The following IRAK2 variants were observed in gnomAD, a reference collection of about 807,000 sequenced individuals.
The protein encoded by IRAK2 is interleukin-1 receptor-associated kinase-like 2.
In IRAK2, 57 loss-of-function variants were observed where a neutral mutation model predicts 72.0. The observed-to-expected ratio is 0.79, with a 90% CI of 0.64 to 0.99. IRAK2 has a LOEUF of 0.99. Among genes scored for constraint, IRAK2 ranks in the 50% least tolerant of loss-of-function variants. The probability of loss-of-function intolerance (pLI) is 0.00; values close to 1 mark genes in which losing one functional copy is unlikely to be tolerated. For missense variants in IRAK2, 790 were observed against 794.4 expected (o/e 0.99, Z 0.07); for synonymous variants, 293 against 312.7 (o/e 0.94, Z 0.67).
intron 10 of IRAK2, among the ~76,000 whole-genome samples, chr3:10,233,530 A>T (rs1275125875): frequency 6.6e-6 from 1 of 152,114 alleles, no homozygotes; most frequent in Non-Finnish European, 1.5e-5. Flanking sequence ...GCTGCATTTT[A>T]TGTGGTACAA....
At chr3:10,242,008 C>A in intron 12 of IRAK2, 108 bp from the exon 13 acceptor site, 6 of 561,640 alleles carry the variant, frequency 1.1e-5, no homozygotes, top group East Asian at 3.1e-5. Context: ...AAGAAATGCT[C>A]ATTACACTCA....
Position 10,212,104 on chromosome 3 carries a change from A to T in IRAK2, c.529-1103A>T, listed in dbSNP as rs561833822. Among the ~76,000 whole-genome samples, 5 of 151,866 alleles carry T rather than the reference A, an allele frequency of 3.3e-5. No homozygotes were observed. In the East Asian group the frequency reaches 9.7e-4, roughly 29 times the overall value. ...CAAAAAAAAAAAAAAAATTACGTAC[A>T]TGTGTTTTAAAGAGAGAAGTTATTA... On this transcript the variant is annotated intron_variant, in intron 4 of 12. Transcript: ENST00000256458.
intron 11 of IRAK2, among the ~76,000 whole-genome samples, chr3:10,235,771 CCACAG>C (rs1203477254): frequency 1.3e-5 from 2 of 152,178 alleles, no homozygotes; most frequent in African/African-American, 2.4e-5. Context: ...AAGTGAAGGG[CCACAG>C]ACGAGAAGAT....
chr3:10,197,766 G>A (rs1341344708), intron 2 of IRAK2, among the ~76,000 whole-genome samples: 2 of 151,294 alleles, frequency 1.3e-5, no homozygotes, highest in Non-Finnish European at 2.9e-5. Context: ...GCAGAAGAAT[G>A]GCGTGAACCT....
chr3:10,219,611 C>A lies in IRAK2; in HGVS notation c.904-69C>A, dbSNP rs11465909. ...GGGATTACAGGTGTGAGCCACCGCA[C>A]CTGGCTGCCATCAGGACTTTAAAAA... On this transcript the variant is annotated intron_variant, in intron 7 of 12. Transcript: ENST00000256458. The A allele has an allele frequency of 9.1e-6, 11 of 1,206,232 alleles. No homozygotes were observed. In the East Asian group the frequency reaches 2.5e-4, roughly 27 times the overall value. The allele number at this position is 1,206,232 out of a possible 1,614,324, so 74.7% of individuals were successfully genotyped here. A position where few individuals can be genotyped will look rare whatever the true frequency, so the allele number is the denominator to read the frequency against.
At chr3:10,229,849 G>A (rs992183078) in intron 10 of IRAK2, among the ~76,000 whole-genome samples, 11 of 151,980 alleles carry the variant, frequency 7.2e-5, no homozygotes, top group African/African-American at 2.7e-4. Context: ...GGCTGTAATC[G>A]CGGCACTTTG....
chr3:10,169,910 A>G (rs375025109), intron 1 of IRAK2, among the ~76,000 whole-genome samples: 2 of 152,342 alleles, frequency 1.3e-5, no homozygotes, highest in East Asian at 3.9e-4. Flanking sequence ...AAGAAATTAT[A>G]AAAGTATTAA....
chr3:10,222,923 C>T lies in IRAK2; in HGVS notation c.1209+92C>T, dbSNP rs1697719590. 17 of 1,166,874 alleles carry T rather than the reference C, an allele frequency of 1.5e-5. No homozygotes were observed. In the South Asian group the frequency reaches 2.4e-4, roughly 16 times the overall value. 72.3% of individuals were successfully genotyped at this position (1,166,874 alleles called of 1,614,324 possible). A position where few individuals can be genotyped will look rare whatever the true frequency, so the allele number is the denominator to read the frequency against. On this transcript the variant is annotated intron_variant, in intron 9 of 12. Coordinates refer to ENST00000256458, the MANE Select transcript of IRAK2 (RefSeq NM_001570.4). ...AATCACAGGATACGGTAGAGGCACA[C>T]AGACAGGTTCCATCAAAGTACAACA...
intron 2 of IRAK2, among the ~76,000 whole-genome samples, chr3:10,184,952 T>TCTC (rs1559441377): frequency 2.1e-4 from 31 of 150,628 alleles, no homozygotes; most frequent in Admixed American, 5.3e-4. Context: ...TTAGCCAGGG[T>TCTC]GATCTCCTGA....
intron 2 of IRAK2, 67 bp downstream of exon 2, chr3:10,178,087 G>A (rs905103514): frequency 7.8e-7 from 1 of 1,279,910 alleles, no homozygotes; most frequent in Non-Finnish European, 1.1e-6. Flanking sequence ...ATCCGTGTGA[G>A]TTGCACTCTC....
intron 2 of IRAK2, among the ~76,000 whole-genome samples, chr3:10,199,551 C>A (rs944703469): frequency 1.3e-5 from 2 of 152,114 alleles, no homozygotes; most frequent in Non-Finnish European, 2.9e-5. Context: ...GTCTCCACTG[C>A]GTGAAAGGGA....
At chr3:10,206,421 T>G (rs1257193249) in intron 3 of IRAK2, among the ~76,000 whole-genome samples, 1 of 152,194 alleles carries the variant, frequency 6.6e-6, no homozygotes, top group Admixed American at 6.5e-5. Flanking sequence ...AGGGCAAAGA[T>G]CCCAGGAATG....
intron 7 of IRAK2, 127 bp from the exon 8 acceptor site, chr3:10,219,553 A>C (rs3895949): frequency 0.68 from 451,692 of 662,212 alleles, 163,044 homozygotes; most frequent in Non-Finnish European, 0.77. Context: ...CTCCTGAACT[A>C]GTGATCTGCC....
intron 2 of IRAK2, among the ~76,000 whole-genome samples, chr3:10,190,135 C>G (rs1697151344): frequency 6.6e-6 from 1 of 151,016 alleles, no homozygotes; most frequent in Non-Finnish European, 1.5e-5. Context: ...TCAGGTCTGC[C>G]TGACCTTACC....
chr3:10,176,540 C>A (rs955947337), intron 1 of IRAK2, among the ~76,000 whole-genome samples: 2 of 149,018 alleles, frequency 1.3e-5, no homozygotes, highest in Non-Finnish European at 3.0e-5. Flanking sequence ...TGCAGTGGCG[C>A]GATCTTGGCT....
In IRAK2 at chr3:10,240,381, C is replaced by T. The variant is rs1575994900; in HGVS notation, c.1765+1342C>T. Among the ~76,000 whole-genome samples the T allele has an allele frequency of 2.6e-5, 4 of 151,156 alleles. 1 individual carries two copies. Among genetic ancestry groups the T allele is most frequent in the South Asian group, 4.2e-4 (2 of 4,770 alleles). ...CTAAGGCAGGAGAATTGCTTGAACC[C>T]GGGAGGTGGAGGCTGCAGTGAGCCG... is the stretch of plus-strand genomic sequence containing the variant. On this transcript the variant is annotated intron_variant, in intron 12 of 12. Coordinates refer to ENST00000256458, the MANE Select transcript of IRAK2 (RefSeq NM_001570.4).
At chr3:10,192,847 A>G (rs1697199056) in intron 2 of IRAK2, among the ~76,000 whole-genome samples, 1 of 152,208 alleles carries the variant, frequency 6.6e-6, no homozygotes, top group Non-Finnish European at 1.5e-5. Context: ...TGAACCCAGG[A>G]GGCAGAAGTT....
chr3:10,201,259 A>G (rs750970945), intron 3 of IRAK2, among the ~76,000 whole-genome samples: 5 of 152,188 alleles, frequency 3.3e-5, no homozygotes, highest in East Asian at 1.9e-4. Context: ...AGGTTAACCA[A>G]CCTGGCTGAG....
At chr3:10,235,373 C>T (rs1697940045) in intron 11 of IRAK2, among the ~76,000 whole-genome samples, 1 of 151,778 alleles carries the variant, frequency 6.6e-6, no homozygotes, top group Non-Finnish European at 1.5e-5. Flanking sequence ...GTGGTGCTAT[C>T]TCCAACCTTC....
Sources: allele counts gnomAD v4.1 joint callset (sites outside exome capture counted in the v4.1 genomes callset), GRCh38; gene constraint gnomAD v4.1.1; transcripts MANE v1.5; gene names NCBI Gene and HGNC (gene_info 2026-07-23, HGNC 2026-07-21).